STXBP5: variants seen among roughly 807,000 people sequenced by gnomAD.
The protein encoded by STXBP5 is syntaxin-binding protein 5.
STXBP5 carries 50 observed loss-of-function variants against 152.4 expected under a neutral mutation model. The ratio of observed to expected loss-of-function variants is 0.33; its 90% CI spans 0.26 to 0.42. STXBP5 has a LOEUF of 0.42. Ranked by LOEUF, STXBP5 falls within the 10% of genes least tolerant of loss-of-function variation. The pLI is 1.00. For missense variants in STXBP5, 1,167 were observed against 1,388.6 expected (o/e 0.84, Z 2.54); for synonymous variants, 492 against 494.7 (o/e 0.99, Z 0.07).
chr6:147,206,582 T>C (rs1035520272), intron 2 of STXBP5, among the ~76,000 whole-genome samples: 3 of 152,024 alleles, frequency 2.0e-5, no homozygotes, highest in African/African-American at 7.3e-5. Flanking sequence ...TAGTTATAAA[T>C]GGTTAATATT....
At chr6:147,302,775 A>G (rs956905505) in intron 9 of STXBP5, among the ~76,000 whole-genome samples, 2 of 152,208 alleles carry the variant, frequency 1.3e-5, no homozygotes, top group South Asian at 4.1e-4. Flanking sequence ...AGATGGTGCC[A>G]TTGTACTCCA....
chr6:147,231,712 T>A (rs370208144), intron 2 of STXBP5, among the ~76,000 whole-genome samples: 6 of 152,044 alleles, frequency 3.9e-5, no homozygotes, highest in East Asian at 3.9e-4. Context: ...ATCTTTTGGT[T>A]TTTCTTCATT....
chr6:147,343,642 T>C (rs1016884157), intron 21 of STXBP5, among the ~76,000 whole-genome samples: 3 of 152,182 alleles, frequency 2.0e-5, no homozygotes, highest in Non-Finnish European at 4.4e-5. Context: ...CTTTCTTATG[T>C]GATTGCTTTT....
chr6:147,206,261 AG>A (rs1211704620), intron 2 of STXBP5, among the ~76,000 whole-genome samples, 193 bp downstream of exon 2: 1 of 152,150 alleles, frequency 6.6e-6, no homozygotes, highest in Non-Finnish European at 1.5e-5. Flanking sequence ...CTCAGCTCCT[AG>A]TTTATAGTAG....
chr6:147,362,914 G>A (rs144375997), intron 23 of STXBP5, among the ~76,000 whole-genome samples: 20 of 152,266 alleles, frequency 1.3e-4, no homozygotes, highest in Admixed American at 2.0e-4. Context: ...TGGACAAGGC[G>A]CGTTCCCAGT....
chr6:147,349,989 C>G (rs1287182374), intron 21 of STXBP5, among the ~76,000 whole-genome samples: 1 of 152,130 alleles, frequency 6.6e-6, no homozygotes. Context: ...GCTGAAGTAT[C>G]TGTCAAAGTT....
At chr6:147,240,310 G>T (rs1392667715) in intron 4 of STXBP5, among the ~76,000 whole-genome samples, 1 of 152,034 alleles carries the variant, frequency 6.6e-6, no homozygotes. Flanking sequence ...ATTTTGGCAC[G>T]AAATATGAGT....
chr6:147,221,673 G>A (rs2115091600), intron 2 of STXBP5, among the ~76,000 whole-genome samples: 1 of 150,550 alleles, frequency 6.6e-6, no homozygotes, highest in Admixed American at 6.6e-5. Flanking sequence ...TTTTCCAATG[G>A]CTTCTTTCAA....
chr6:147,280,756 A>G (rs1171098802), intron 8 of STXBP5, among the ~76,000 whole-genome samples: 1 of 152,150 alleles, frequency 6.6e-6, no homozygotes, highest in Non-Finnish European at 1.5e-5. Context: ...CTTAGCAGAA[A>G]AGGGTCACTA....
At position 147,234,289 on chromosome 6, in the gene STXBP5, C is replaced by T. The variant is rs111942278; in HGVS notation, c.249-961C>T. ...TTTAGCAGCCAGTTAAAATGACTAC[C>T]TTCTTGTTTCAAGTTTATGAAGGTA... On this transcript the variant is annotated intron_variant, in intron 2 of 27. Coordinates refer to ENST00000321680, the MANE Select transcript of STXBP5 (RefSeq NM_001127715.4). Among the ~76,000 whole-genome samples, 3 of 151,916 alleles carry T rather than the reference C, an allele frequency of 2.0e-5. 1 individual carries two copies. Among genetic ancestry groups the T allele is most frequent in the African/African-American group, 7.2e-5 (3 of 41,518 alleles).
chr6:147,205,363 A>G (rs970964928), intron 1 of STXBP5, among the ~76,000 whole-genome samples: 6 of 118,082 alleles, frequency 5.1e-5, no homozygotes, highest in Non-Finnish European at 8.8e-5. Flanking sequence ...GAGTTAATTA[A>G]AAGTGTGCAT....
At chr6:147,314,455 T>A in intron 13 of STXBP5, 124 bp downstream of exon 13, 1 of 1,289,400 alleles carries the variant, frequency 7.8e-7, no homozygotes, top group Non-Finnish European at 1.1e-6. Context: ...TAATAAGAAA[T>A]GTTATTCTTA....
chr6:147,321,375 C>T (rs1782926373), intron 16 of STXBP5, among the ~76,000 whole-genome samples: 1 of 151,958 alleles, frequency 6.6e-6, no homozygotes, highest in African/African-American at 2.4e-5. Context: ...TTGATTGAGA[C>T]CAGGAGTTCA....
At chr6:147,362,146 A>G (rs1325882565) in intron 23 of STXBP5, among the ~76,000 whole-genome samples, 1 of 152,202 alleles carries the variant, frequency 6.6e-6, no homozygotes, top group Non-Finnish European at 1.5e-5. Context: ...TCAAATTGAA[A>G]TATGTGCTCA....
At chr6:147,218,253 G>A (rs1777275519) in intron 2 of STXBP5, among the ~76,000 whole-genome samples, 1 of 152,104 alleles carries the variant, frequency 6.6e-6, no homozygotes, top group Admixed American at 6.6e-5. Flanking sequence ...TATGTGTTTA[G>A]ACAAATATAA....
chr6:147,298,557 T>C (rs1781646723), intron 9 of STXBP5, among the ~76,000 whole-genome samples: 2 of 152,066 alleles, frequency 1.3e-5, no homozygotes, highest in Non-Finnish European at 2.9e-5. Context: ...CATGGAACAT[T>C]CTTGAGGAGA....
At chr6:147,383,174 A>G (rs1021254360) in intron 27 of STXBP5, among the ~76,000 whole-genome samples, 176 bp downstream of exon 27, 1 of 152,074 alleles carries the variant, frequency 6.6e-6, no homozygotes, top group African/African-American at 2.4e-5. Context: ...TGTATCTCTA[A>G]TAGCCTTTGG....
At chr6:147,281,949 A>G (rs1780722363) in intron 8 of STXBP5, among the ~76,000 whole-genome samples, 1 of 152,204 alleles carries the variant, frequency 6.6e-6, no homozygotes, top group South Asian at 2.1e-4. Flanking sequence ...ACAAATAATA[A>G]TGAAACTTGA....
chr6:147,284,268 G>A (rs1287851679), intron 8 of STXBP5, among the ~76,000 whole-genome samples: 1 of 152,124 alleles, frequency 6.6e-6, no homozygotes, highest in Non-Finnish European at 1.5e-5. Flanking sequence ...CATAACTGCA[G>A]TGTAACAAGC....
Sources: gnomAD v4.1 joint callset for allele counts (sites outside exome capture counted in the v4.1 genomes callset) on GRCh38, gnomAD v4.1.1 for gene constraint, MANE v1.5 for transcripts, NCBI Gene and HGNC (gene_info 2026-07-23, HGNC 2026-07-21) for gene names.